Variants in GRPR observed in about 807,000 individuals in gnomAD.
GRPR encodes the protein gastrin releasing peptide receptor.
Under a neutral mutation model 15.6 loss-of-function variants are expected in GRPR, and 4 were observed. The ratio of observed to expected loss-of-function variants is 0.26; its 90% CI spans 0.13 to 0.59. The LOEUF is 0.59. GRPR is among the 20% of genes least tolerant of loss of function. The pLI is 0.90. For synonymous variants in GRPR, 128 were observed against 126.8 expected, an observed-to-expected ratio of 1.01 and a Z score of -0.06; for missense variants, 270 against 304.1, an observed-to-expected ratio of 0.89 and a Z score of 0.83.
intron 1 of GRPR, among the ~76,000 whole-genome samples, chrX:16,141,757 A>T (rs1922533817): frequency 1.8e-5 from 2 of 112,059 alleles, no homozygotes; most frequent in Non-Finnish European, 3.8e-5. Context: ...ATTTATATTG[A>T]TTTTTATTTT....
chrX:16,152,298 G>C lies in GRPR; in HGVS notation c.808G>C (p.Val270Leu). 1 of 1,207,434 alleles carries C rather than the reference G, an allele frequency of 8.3e-7. No individual in the cohort carries two copies. Among genetic ancestry groups the C allele is most frequent in the Non-Finnish European group, 1.1e-6 (1 of 891,800 alleles). ...ACTTGCCAAGACAGTGCTGGTGTTT[G>C]TGGGCCTGTTCGCCTTCTGCTGGCT... ...KRLAKTVLVFVGLFAFCWLPN... is the reference protein window; with the variant it reads ...KRLAKTVLVFLGLFAFCWLPN... Residue 270 changes from valine (V) to leucine (L), a missense_variant, in exon 3 of 3, where the codon GTG (valine) becomes CTG (leucine). This residue lies in a region of GRPR where 133 missense variants were observed against 123.4 expected (regional missense o/e 1.08). Transcript: ENST00000380289.
chrX:16,145,749 C>G (rs1922596088), intron 1 of GRPR, among the ~76,000 whole-genome samples: 1 of 112,011 alleles, frequency 8.9e-6, no homozygotes, highest in Non-Finnish European at 1.9e-5. Flanking sequence ...TGTACCAAAA[C>G]ATCTCATGTG....
At chrX:16,131,340 T>C (rs1262045858) in intron 1 of GRPR, among the ~76,000 whole-genome samples, 1 of 112,226 alleles carries the variant, frequency 8.9e-6, no homozygotes, top group African/African-American at 3.2e-5. Context: ...CTAGTAATAA[T>C]AGAACAAGGG....
chrX:16,149,483 A>G (rs1922655860), intron 1 of GRPR, among the ~76,000 whole-genome samples: 1 of 110,887 alleles, frequency 9.0e-6, no homozygotes, highest in African/African-American at 3.3e-5. Context: ...CAGGAAGGCA[A>G]GGGAAAAATC....
chrX:16,127,512 C>T (rs186032082), intron 1 of GRPR, among the ~76,000 whole-genome samples: 5 of 110,982 alleles, frequency 4.5e-5, no homozygotes, highest in Non-Finnish European at 9.5e-5. Context: ...AGTGGTTGCA[C>T]TGATGTGTTC....
In GRPR at chrX:16,149,982, A is replaced by G. The variant is rs1300304552; in HGVS notation, c.414-323A>G. Among the ~76,000 whole-genome samples the G allele has an allele frequency of 2.7e-5, 3 of 112,043 alleles. No homozygotes were observed. In the East Asian group the frequency reaches 8.3e-4, roughly 31 times the overall value. ...AAACACCATGTTGTATACAGTAAAT[A>G]TATACAATTTTTATTTATTTATTTT... On this transcript the variant is annotated intron_variant, in intron 1 of 2. Coordinates refer to ENST00000380289, the MANE Select transcript of GRPR (RefSeq NM_005314.3).
chrX:16,135,506 C>T (rs1172213272), intron 1 of GRPR, among the ~76,000 whole-genome samples: 1 of 112,059 alleles, frequency 8.9e-6, no homozygotes. Context: ...AATTTATTTT[C>T]CAATGTAAGG....
intron 1 of GRPR, among the ~76,000 whole-genome samples, chrX:16,146,429 C>T (rs1476168382): frequency 1.8e-5 from 2 of 110,899 alleles, no homozygotes. Flanking sequence ...ATTTTTTTTT[C>T]TCTCAGTCCA....
At chrX:16,151,730 T>C in intron 2 of GRPR, among the ~76,000 whole-genome samples, 1 of 112,278 alleles carries the variant, frequency 8.9e-6, no homozygotes, top group South Asian at 3.7e-4. Flanking sequence ...TTTAAAATCA[T>C]AATAATAGAG....
intron 1 of GRPR, among the ~76,000 whole-genome samples, chrX:16,129,158 T>C (rs1449197016): frequency 8.9e-6 from 1 of 112,049 alleles, no homozygotes; most frequent in East Asian, 2.8e-4. Flanking sequence ...TATAAGTTTC[T>C]TTGTTATTTG....
intron 1 of GRPR, among the ~76,000 whole-genome samples, chrX:16,137,469 A>G (rs1025811682): frequency 1.8e-5 from 2 of 112,174 alleles, no homozygotes; most frequent in African/African-American, 6.5e-5. Context: ...AAAGGTGTAA[A>G]CAGATGCTTC....
chrX:16,128,933 G>A (rs1922337392), intron 1 of GRPR, among the ~76,000 whole-genome samples: 2 of 112,241 alleles, frequency 1.8e-5, no homozygotes, highest in South Asian at 3.8e-4. Context: ...AAGGGTGAGC[G>A]TGGTTTGTGT....
chrX:16,138,981 A>G (rs1922489625), intron 1 of GRPR, among the ~76,000 whole-genome samples: 2 of 111,922 alleles, frequency 1.8e-5, no homozygotes, highest in South Asian at 3.7e-4. Flanking sequence ...ACTATTATTC[A>G]TAGTGGGGAT....
rs927763450 is a variant in GRPR at position 16,138,028 on chromosome X, C to A, written c.414-12277C>A. On this transcript the variant is annotated intron_variant, in intron 1 of 2. Coordinates refer to ENST00000380289, the MANE Select transcript of GRPR (RefSeq NM_005314.3). ...CATAAATGTCACTGAGTGTCCAGAG[C>A]TTATGCTTTGTTTAAACTCTTGTGT... is the stretch of plus-strand genomic sequence containing the variant. 2.7e-5 allele frequency among the ~76,000 whole-genome samples: 3 copies of A among 111,915 alleles called. No homozygotes were observed. In the East Asian group the frequency reaches 8.4e-4, roughly 31 times the overall value.
chrX:16,150,790 G>T lies in GRPR; in HGVS notation c.765+134G>T. On this transcript the variant is annotated intron_variant, in intron 2 of 2. Transcript: ENST00000380289. ...GGTGATGTGTGGCCAGATGCTAAAT[G>T]GAAATGCCTAGCCATGGAAACCCAA... The T allele has an allele frequency of 7.9e-6, 4 of 506,759 alleles. No homozygotes were observed. In the South Asian group the frequency reaches 1.1e-4, roughly 14 times the overall value. The allele number at this position is 506,759 out of a possible 1,213,427, so 41.8% of individuals were successfully genotyped here. A position where few individuals can be genotyped will look rare whatever the true frequency, so the allele number is the denominator to read the frequency against.
chrX:16,139,281 T>G lies in GRPR; in HGVS notation c.414-11024T>G, dbSNP rs16980278. Among the ~76,000 whole-genome samples, 602 of 104,182 alleles carry G rather than the reference T, an allele frequency of 5.8e-3. 5 individuals carry two copies. The highest frequency in any genetic ancestry group is 0.024 in the African/African-American group (553 of 23,144). 90.5% of individuals were successfully genotyped at this position (104,182 alleles called of 115,157 possible). ...TAGGTTCATAGGGGAGCCAAGAGGT[T>G]GTCGTAGAAGTTGACTTTCTAGTGG... On this transcript the variant is annotated intron_variant, in intron 1 of 2. Transcript: ENST00000380289.
rs753947689 is a variant in GRPR, at chrX:16,147,014, AT to A, written c.414-3289del. Among the ~76,000 whole-genome samples the A allele has an allele frequency of 5.4e-5, 6 of 111,836 alleles. No individual in the cohort carries two copies. The East Asian group carries it at 1.7e-3, about 31-fold the overall frequency. ...CTGGAATATAAATGAGATAATATAG[AT>A]TCTATTCTCTGCTTGGAAAAAGGCA... is the stretch of plus-strand genomic sequence containing the variant. On this transcript the variant is annotated intron_variant, in intron 1 of 2. Transcript: ENST00000380289.
chrX:16,151,601 T>C (rs746880498), intron 2 of GRPR, among the ~76,000 whole-genome samples: 166 of 112,141 alleles, frequency 1.5e-3, no homozygotes, highest in African/African-American at 5.0e-3. Flanking sequence ...CCCCAAACTC[T>C]TTATGGAGAA....
intron 1 of GRPR, among the ~76,000 whole-genome samples, chrX:16,139,770 T>C (rs1352481074): frequency 2.7e-5 from 3 of 111,643 alleles, no homozygotes; most frequent in Non-Finnish European, 5.6e-5. Flanking sequence ...TTGCTAGCTG[T>C]ATGACCGTGA....
Sources: gnomAD v4.1 joint callset for allele counts (sites outside exome capture counted in the v4.1 genomes callset) on GRCh38, gnomAD v4.1.1 for gene constraint, gnomAD v4.1.1 regional missense constraint, MANE v1.5 for transcripts, NCBI Gene and HGNC (gene_info 2026-07-23, HGNC 2026-07-21) for gene names.